TCF4: variants seen among roughly 807,000 people sequenced by gnomAD.
TCF4 encodes transcription factor 4, also known as SL3-3 enhancer factor 2.
In TCF4, 3 loss-of-function variants were observed where a neutral mutation model predicts 82.1. That is an observed-to-expected ratio of 0.04 (90% CI 0.02 to 0.09). TCF4 has a LOEUF of 0.09. TCF4 is among the 10% of genes least tolerant of loss of function. The pLI, the probability that TCF4 is intolerant of heterozygous loss-of-function variation, is 1.00. For synonymous variants in TCF4, 276 were observed against 309.6 expected (o/e 0.89, Z 1.14); for missense variants, 518 against 852.7 (o/e 0.61, Z 4.89).
intron 11 of TCF4, among the ~76,000 whole-genome samples, chr18:55,263,792 T>G (rs977927414): frequency 5.9e-5 from 9 of 151,704 alleles, no homozygotes; most frequent in Non-Finnish European, 1.2e-4. Flanking sequence ...ATTAGATCTA[T>G]CAGTCAAAAT....
upstream of TCF4, chr18:55,588,201 A>T (rs930984050): frequency 1.6e-5 from 19 of 1,224,168 alleles, no homozygotes; most frequent in Non-Finnish European, 1.8e-5. Flanking sequence ...GCAGACACAC[A>T]GCCAAGATCC....
At chr18:55,441,336 G>A (rs1028582869) in intron 5 of TCF4, among the ~76,000 whole-genome samples, 2 of 151,988 alleles carry the variant, frequency 1.3e-5, no homozygotes, top group Non-Finnish European at 2.9e-5. Context: ...AATCAACAGG[G>A]GTTTTATGTA....
intron 6 of TCF4, among the ~76,000 whole-genome samples, chr18:55,392,108 C>A (rs1388754695): frequency 6.7e-6 from 1 of 150,298 alleles, no homozygotes; most frequent in African/African-American, 2.4e-5. Context: ...GGATTACAGG[C>A]ATGCACCACC....
chr18:55,369,709 T>C (rs1052511041), intron 6 of TCF4, among the ~76,000 whole-genome samples: 2 of 151,518 alleles, frequency 1.3e-5, no homozygotes, highest in Non-Finnish European at 2.9e-5. Flanking sequence ...ACAAAAAAAG[T>C]TGTTGGGGGG....
Position 55,545,848 on chromosome 18 carries a change from T to A in TCF4, c.145+39432A>T, listed in dbSNP as rs569979026. On this transcript the variant is annotated intron_variant, in intron 3 of 19. Transcript: ENST00000354452. ...ACAGCAAAGATTAAAGAAGATGCGG[T>A]CCCTGTCTCTAAAAAACCTGTCTAC... is the stretch of plus-strand genomic sequence containing the variant. 2.0e-5 allele frequency among the ~76,000 whole-genome samples: 3 copies of A among 152,312 alleles called. No homozygotes were observed. The South Asian group carries it at 6.2e-4, about 32-fold the overall frequency.
chr18:55,423,926 G>T (rs1278627972), intron 5 of TCF4, among the ~76,000 whole-genome samples: 1 of 152,154 alleles, frequency 6.6e-6, no homozygotes. Flanking sequence ...GATGGGAGGG[G>T]AGATGAGGAC....
At chr18:55,436,954 A>G (rs2147258740) in intron 5 of TCF4, among the ~76,000 whole-genome samples, 1 of 152,368 alleles carries the variant, frequency 6.6e-6, no homozygotes, top group African/African-American at 2.4e-5. Context: ...AAGATAGCAG[A>G]GATAATATTA....
At chr18:55,437,279 GA>G (rs1217186772) in intron 5 of TCF4, among the ~76,000 whole-genome samples, 1 of 152,158 alleles carries the variant, frequency 6.6e-6, no homozygotes, top group Admixed American at 6.5e-5. Context: ...GTTGAATTGT[GA>G]ATCTACAGCA....
intron 3 of TCF4, among the ~76,000 whole-genome samples, chr18:55,560,674 C>A (rs1203900819): frequency 6.6e-6 from 1 of 152,296 alleles, no homozygotes; most frequent in African/African-American, 2.4e-5. Flanking sequence ...AACAGTATGG[C>A]ACAATCTCAT....
At chr18:55,586,813 A>G (rs2147877375) in intron 2 of TCF4, 1 of 488,072 alleles carries the variant, frequency 2.0e-6, no homozygotes, top group East Asian at 3.8e-5. Context: ...ATCAGTGGGT[A>G]GGGAATTGAA....
chr18:55,301,100 GA>G (rs1450750760), intron 8 of TCF4, among the ~76,000 whole-genome samples: 2 of 152,066 alleles, frequency 1.3e-5, no homozygotes, highest in African/African-American at 4.8e-5. Flanking sequence ...GAGATAGTGG[GA>G]AAGTGGAAAC....
intron 3 of TCF4, among the ~76,000 whole-genome samples, chr18:55,556,528 T>C (rs1279565580): frequency 1.3e-5 from 2 of 152,230 alleles, no homozygotes; most frequent in Non-Finnish European, 1.5e-5. Flanking sequence ...TCTTTCTTTC[T>C]TTTTAAAATA....
chr18:55,441,025 T>A (rs1263844783), intron 5 of TCF4, among the ~76,000 whole-genome samples: 2 of 152,220 alleles, frequency 1.3e-5, no homozygotes, highest in Non-Finnish European at 2.9e-5. Flanking sequence ...TTTTGAGGGA[T>A]AAAAAGGCTG....
chr18:55,316,453 T>C (rs916182998), intron 8 of TCF4, among the ~76,000 whole-genome samples: 6 of 152,200 alleles, frequency 3.9e-5, no homozygotes, highest in East Asian at 1.9e-4. Flanking sequence ...AGAGCAGTAA[T>C]AGAAGTTTCA....
intron 6 of TCF4, among the ~76,000 whole-genome samples, chr18:55,393,386 G>A (rs567410947): frequency 2.6e-5 from 4 of 152,214 alleles, no homozygotes; most frequent in African/African-American, 9.6e-5. Flanking sequence ...AAGAGTAAGT[G>A]TTAAGTTATT....
At chr18:55,386,307 T>C (rs766959560) in intron 6 of TCF4, among the ~76,000 whole-genome samples, 2 of 152,172 alleles carry the variant, frequency 1.3e-5, no homozygotes, top group Non-Finnish European at 2.9e-5. Flanking sequence ...CTTAGACCCA[T>C]GGACAGCAAA....
At chr18:55,550,951 T>C (rs918011750) in intron 3 of TCF4, 1 of 152,180 alleles carries the variant, frequency 6.6e-6, no homozygotes, top group East Asian at 1.9e-4. Context: ...TTATTCTTTT[T>C]TTTTTTCTAT....
chr18:55,446,723 G>A lies in TCF4; in HGVS notation c.304+14296C>T, dbSNP rs148996669. On this transcript the variant is annotated intron_variant, in intron 5 of 19. Coordinates refer to ENST00000354452, the MANE Select transcript of TCF4 (RefSeq NM_001083962.2). The stretch of plus-strand genomic sequence containing the variant: ...AGCCAGGCCAGGCGCGGTGACTCAC[G>A]CCTGTAATCCCAGTACTTTGGGAGG... Among the ~76,000 whole-genome samples, 987 of 152,200 alleles carry A rather than the reference G, an allele frequency of 6.5e-3. 13 individuals are homozygous for A. Among genetic ancestry groups the A allele is most frequent in the African/African-American group, 0.023 (947 of 41,508 alleles).
intron 8 of TCF4, chr18:55,302,756 G>T (rs1157025203): frequency 5.9e-6 from 4 of 682,896 alleles, no homozygotes; most frequent in South Asian, 3.9e-5. Context: ...CAGGCATGAG[G>T]CGTCCCCTGG....
Sources: allele counts gnomAD v4.1 joint callset (sites outside exome capture counted in the v4.1 genomes callset), GRCh38; gene constraint gnomAD v4.1.1; transcripts MANE v1.5; gene names NCBI Gene and HGNC (gene_info 2026-07-23, HGNC 2026-07-21).